The following BCAR3 variants were observed in gnomAD, a reference collection of about 807,000 sequenced individuals.
The protein encoded by BCAR3 is BCAR3 adaptor protein, NSP family member.
Under a neutral mutation model 80.1 loss-of-function variants are expected in BCAR3, and 37 were observed. The observed-to-expected ratio is 0.46, with a 90% CI of 0.36 to 0.61. The LOEUF (loss-of-function observed/expected upper bound fraction) is 0.61, where lower values mean the gene tolerates loss of function less well. BCAR3 is among the 20% of genes least tolerant of loss of function. The pLI, the probability that BCAR3 is intolerant of heterozygous loss-of-function variation, is 0.00. For missense variants in BCAR3, 978 were observed against 1,068.2 expected, an observed-to-expected ratio of 0.92 and a Z score of 1.18; for synonymous variants, 389 against 418.9, an observed-to-expected ratio of 0.93 and a Z score of 0.87.
intron 3 of BCAR3, among the ~76,000 whole-genome samples, chr1:93,691,212 G>A (rs369855597): frequency 2.0e-5 from 3 of 152,304 alleles, no homozygotes; most frequent in African/African-American, 7.2e-5. Context: ...CCAGTGTGGG[G>A]CTATCAGGGT....
At chr1:93,834,109 C>T (rs115700110) in intron 2 of BCAR3, among the ~76,000 whole-genome samples, 2,571 of 152,266 alleles carry the variant, frequency 0.017, 43 homozygotes, top group Middle Eastern at 0.051. Flanking sequence ...CAACATCACC[C>T]TTACCCTGCT....
intron 3 of BCAR3, among the ~76,000 whole-genome samples, chr1:93,619,863 G>C (rs1675257427): frequency 1.3e-5 from 2 of 152,240 alleles, no homozygotes; most frequent in African/African-American, 4.8e-5. Flanking sequence ...TAGGAGGCTA[G>C]AGAGCGAGCC....
At chr1:93,660,770 A>G (rs894222185) in intron 2 of BCAR3, among the ~76,000 whole-genome samples, 1 of 152,278 alleles carries the variant, frequency 6.6e-6, no homozygotes, top group African/African-American at 2.4e-5. Flanking sequence ...CCCAGAGTGC[A>G]ATGGCACGAT....
chr1:93,636,633 A>AAT (rs1213779660), intron 3 of BCAR3, among the ~76,000 whole-genome samples: 2 of 152,164 alleles, frequency 1.3e-5, no homozygotes, highest in Non-Finnish European at 2.9e-5. Flanking sequence ...TTTTGAGGAC[A>AAT]ATTTATTTTA....
chr1:93,579,205 C>A (rs74101615), intron 7 of BCAR3, among the ~76,000 whole-genome samples: 2,668 of 152,278 alleles, frequency 0.018, 73 homozygotes, highest in African/African-American at 0.06. Flanking sequence ...ACGCGGGGCC[C>A]AGATGCTAGC....
At chr1:93,577,770 G>A (rs1245270295) in intron 7 of BCAR3, among the ~76,000 whole-genome samples, 1 of 150,796 alleles carries the variant, frequency 6.6e-6, no homozygotes, top group Non-Finnish European at 1.5e-5. Flanking sequence ...CTTCTGAGGG[G>A]TGTCCCCCAC....
At chr1:93,647,499 C>T (rs1380057410) in intron 2 of BCAR3, among the ~76,000 whole-genome samples, 1 of 152,148 alleles carries the variant, frequency 6.6e-6, no homozygotes, top group Non-Finnish European at 1.5e-5. Flanking sequence ...CAAATCAGCT[C>T]CTCAGTTACA....
At chr1:93,815,159 C>T (rs780257746) in intron 2 of BCAR3, among the ~76,000 whole-genome samples, 1 of 152,170 alleles carries the variant, frequency 6.6e-6, no homozygotes, top group Non-Finnish European at 1.5e-5. Flanking sequence ...TCTGAGCAGG[C>T]ATTCAGGTCC....
intron 5 of BCAR3, chr1:93,585,066 A>T: frequency 2.0e-6 from 2 of 985,460 alleles, no homozygotes; most frequent in Non-Finnish European, 2.4e-6. Context: ...GACAAGACCG[A>T]GGGCAAATTA....
intron 11 of BCAR3, among the ~76,000 whole-genome samples, chr1:93,564,068 C>T (rs1282324076): frequency 3.3e-5 from 5 of 151,898 alleles, no homozygotes; most frequent in African/African-American, 1.2e-4. Context: ...ATTTACATTT[C>T]CCTAATGATG....
chr1:93,657,559 AAT>A (rs893540917), intron 2 of BCAR3, among the ~76,000 whole-genome samples: 3 of 152,162 alleles, frequency 2.0e-5, no homozygotes, highest in African/African-American at 7.2e-5. Flanking sequence ...GAATGTATAA[AAT>A]ATATATCATA....
chr1:93,830,363 A>G (rs1332306468), intron 2 of BCAR3, among the ~76,000 whole-genome samples: 1 of 152,192 alleles, frequency 6.6e-6, no homozygotes, highest in Admixed American at 6.5e-5. Context: ...CCAAGCCTGC[A>G]TGTATACATC....
chr1:93,583,804 C>G (rs139327670), intron 6 of BCAR3, among the ~76,000 whole-genome samples: 123 of 152,308 alleles, frequency 8.1e-4, no homozygotes, highest in African/African-American at 2.7e-3. Context: ...ATCATGCCTA[C>G]CCTGAAGGCT....
chr1:93,840,101 T>C (rs574501855), intron 2 of BCAR3, among the ~76,000 whole-genome samples: 1 of 152,182 alleles, frequency 6.6e-6, no homozygotes, highest in East Asian at 1.9e-4. Context: ...TCCCCAGAAA[T>C]TGTGATTTAA....
At chr1:93,614,633 C>T (rs1044539812) in intron 3 of BCAR3, among the ~76,000 whole-genome samples, 16 of 152,224 alleles carry the variant, frequency 1.1e-4, no homozygotes, top group African/African-American at 3.4e-4. Flanking sequence ...GCCATCACTA[C>T]TGGCAAAGCA....
intron 7 of BCAR3, among the ~76,000 whole-genome samples, chr1:93,578,375 G>A (rs147526502): frequency 5.3e-4 from 80 of 152,314 alleles, no homozygotes; most frequent in Admixed American, 4.0e-3. Context: ...ACTGGTATGA[G>A]CCCAGAAGTA....
intron 2 of BCAR3, among the ~76,000 whole-genome samples, chr1:93,769,425 G>A (rs56939682): frequency 0.12 from 17,244 of 149,386 alleles, 1,422 homozygotes; most frequent in African/African-American, 0.22. Context: ...GCGGGGTGGA[G>A]AAGAACTCAG....
Position 93,717,419 on chromosome 1 carries a change from T to C in BCAR3, c.-62-11277A>G, listed in dbSNP as rs377090891. Among the ~76,000 whole-genome samples, 235 of 152,274 alleles carry C rather than the reference T, an allele frequency of 1.5e-3. 1 individual carries two copies. Among genetic ancestry groups the C allele is most frequent in the African/African-American group, 5.4e-3 (226 of 41,552 alleles). ...TTTTGCATTTAGGCCAAGGGCTACA[T>C]GGAAGTAAGAATTGGAGATAAGAGG... On this transcript the variant is annotated intron_variant, in intron 2 of 13. Transcript: ENST00000370244.
At chr1:93,716,815 A>C (rs1199307745) in intron 2 of BCAR3, among the ~76,000 whole-genome samples, 1 of 152,208 alleles carries the variant, frequency 6.6e-6, no homozygotes, top group East Asian at 1.9e-4. Flanking sequence ...GGCTGACTGG[A>C]GGGCATCCAC....
Sources: allele counts gnomAD v4.1 joint callset (sites outside exome capture counted in the v4.1 genomes callset), GRCh38; gene constraint gnomAD v4.1.1; transcripts MANE v1.5; gene names NCBI Gene and HGNC (gene_info 2026-07-23, HGNC 2026-07-21).